DDX1: variants seen among roughly 807,000 people sequenced by gnomAD.
DDX1 encodes the protein ATP-dependent RNA helicase DDX1.
Under a neutral mutation model 108.7 loss-of-function variants are expected in DDX1, and 28 were observed. That is an observed-to-expected ratio of 0.26 (90% CI 0.19 to 0.35). The LOEUF (loss-of-function observed/expected upper bound fraction) is 0.35, where lower values mean the gene tolerates loss of function less well. Among genes scored for constraint, DDX1 ranks in the 10% least tolerant of loss-of-function variants. DDX1 has a pLI of 1.00. For synonymous variants in DDX1, 295 were observed against 288.9 expected (o/e 1.02, Z -0.21); for missense variants, 710 against 884.5 (o/e 0.80, Z 2.50).
At position 15,620,249 on chromosome 2, in the gene DDX1, G is replaced by A. The variant is rs745722250; in HGVS notation, c.1248G>A (p.Lys416=). The A allele has an allele frequency of 6.2e-7, 1 of 1,614,004 alleles. No individual in the cohort carries two copies. Among genetic ancestry groups the A allele is most frequent in the South Asian group, 1.1e-5 (1 of 91,046 alleles). ...CSATLHSFDV[K]KLSEKIMHFP... ...CCACTTTGCATTCTTTCGATGTAAAGAAACTGTCCGAGAAGATAATGCATT... is the reference window on the plus strand; with the variant it reads ...CCACTTTGCATTCTTTCGATGTAAAAAAACTGTCCGAGAAGATAATGCATT... Residue 416 remains lysine (K), a synonymous_variant, in exon 17 of 26, where the codon AAG becomes AAA. Coordinates refer to ENST00000233084, the MANE Select transcript of DDX1 (RefSeq NM_004939.3).
intron 23 of DDX1, 101 bp from the exon 24 acceptor site, chr2:15,629,501 G>GAATA: frequency 1.3e-6 from 1 of 754,770 alleles, no homozygotes; most frequent in Admixed American, 3.4e-5. Context: ...TATTTTTCTA[G>GAATA]TGCCTTGAGG....
At chr2:15,592,271 C>T (rs1000366527) in intron 1 of DDX1, among the ~76,000 whole-genome samples, 2 of 152,220 alleles carry the variant, frequency 1.3e-5, no homozygotes, top group African/African-American at 4.8e-5. Flanking sequence ...GGCTCCCAGA[C>T]GCCTGGGCCT....
At chr2:15,620,474 G>A in intron 17 of DDX1, 78 bp downstream of exon 17, 1 of 1,072,030 alleles carries the variant, frequency 9.3e-7, no homozygotes, top group Non-Finnish European at 1.3e-6. Flanking sequence ...TCTTAGTGAT[G>A]CTTAAGGCAA....
chr2:15,603,179 T>A lies in DDX1; in HGVS notation c.392-13T>A, dbSNP rs1665613557. On this transcript the variant is annotated splice_polypyrimidine_tract_variant and intron_variant, in intron 7 of 25. Transcript: ENST00000233084. ...GTGATTTATATAAATCTCAATGTAT[T>A]TTACCCTTGTAGGGAAACACTACTA... is the stretch of plus-strand genomic sequence containing the variant. 1 of 1,571,540 alleles carries A rather than the reference T, an allele frequency of 6.4e-7. No homozygotes were observed. Among genetic ancestry groups the A allele is most frequent in the Admixed American group, 1.8e-5 (1 of 56,282 alleles).
At position 15,603,805 on chromosome 2, in the gene DDX1, T is replaced by G; in HGVS notation, c.476-9T>G. The G allele has an allele frequency of 6.3e-7, 1 of 1,575,056 alleles. No individual in the cohort carries two copies. The highest frequency in any genetic ancestry group is 8.6e-7 in the Non-Finnish European group (1 of 1,157,652). On this transcript the variant is annotated splice_polypyrimidine_tract_variant and intron_variant, in intron 8 of 25. Coordinates refer to ENST00000233084, the MANE Select transcript of DDX1 (RefSeq NM_004939.3). ...CTTACCAGAAAAGTAAAATATTTTT[T>G]AAATCTAGGTACTGACAAGTTTGGA...
rs990963610 is a variant in DDX1, at chr2:15,599,600, A to T, written c.260-69A>T. 3.2e-6 allele frequency: 4 copies of T among 1,249,112 alleles called. No individual in the cohort carries two copies. In the African/African-American group the frequency reaches 6.1e-5, roughly 19 times the overall value. The allele number at this position is 1,249,112 out of a possible 1,614,324, so 77.4% of individuals were successfully genotyped here. A position where few individuals can be genotyped will look rare whatever the true frequency, so the allele number is the denominator to read the frequency against. Reference sequence around the variant, plus strand: ...AGTGCTGAGATTACAGTCGTGAGTCACCGCACCCGGCCAAGCATTTTAAAT... The same window carrying T: ...AGTGCTGAGATTACAGTCGTGAGTCTCCGCACCCGGCCAAGCATTTTAAAT... On this transcript the variant is annotated intron_variant, in intron 5 of 25. Transcript: ENST00000233084.
chr2:15,627,839 G>A (rs530090514), intron 20 of DDX1, among the ~76,000 whole-genome samples: 130 of 152,234 alleles, frequency 8.5e-4, no homozygotes, highest in African/African-American at 2.6e-3. Context: ...GCATGGCCTC[G>A]TTTGAATGTG....
intron 14 of DDX1, among the ~76,000 whole-genome samples, chr2:15,614,384 G>A (rs1665858466): frequency 6.6e-6 from 1 of 152,146 alleles, no homozygotes; most frequent in South Asian, 2.1e-4. Flanking sequence ...TTAAGAGCAA[G>A]GAATCATATT....
intron 14 of DDX1, among the ~76,000 whole-genome samples, chr2:15,614,202 A>G (rs1015803023): frequency 7.2e-5 from 11 of 152,246 alleles, no homozygotes; most frequent in Non-Finnish European, 1.5e-4. Flanking sequence ...GAAATAACTT[A>G]CAGCTTATAA....
intron 1 of DDX1, among the ~76,000 whole-genome samples, chr2:15,594,141 T>A (rs745309730): frequency 6.6e-6 from 1 of 152,000 alleles, no homozygotes; most frequent in Non-Finnish European, 1.5e-5. Flanking sequence ...AAAATGATGA[T>A]CCTTCTCATC....
At chr2:15,595,011 G>GCC in intron 1 of DDX1, 134 bp from the exon 2 acceptor site, 1 of 629,228 alleles carries the variant, frequency 1.6e-6, no homozygotes, top group South Asian at 2.6e-5. Context: ...TTTCAACAGT[G>GCC]CCACGCTCAG....
At position 15,613,287 on chromosome 2, in the gene DDX1, AAGTT is replaced by A; in HGVS notation, c.1017+4_1017+7del. On this transcript the variant is annotated splice_donor_5th_base_variant and intron_variant, in intron 14 of 25. Coordinates refer to ENST00000233084, the MANE Select transcript of DDX1 (RefSeq NM_004939.3). Reference sequence around the variant, plus strand: ...AGCTCTCTGTTTTGGAAAATGGAGTAAGTTGTAGTTTTAATTTTTAAAACATAAT... The same window carrying A: ...AGCTCTCTGTTTTGGAAAATGGAGTAGTAGTTTTAATTTTTAAAACATAAT... 6.3e-7 allele frequency: 1 copy of A among 1,598,260 alleles called. No homozygotes were observed. The highest frequency in any genetic ancestry group is 1.1e-5 in the South Asian group (1 of 88,132).
At chr2:15,616,539 T>C (rs1454182286) in intron 14 of DDX1, among the ~76,000 whole-genome samples, 1 of 152,250 alleles carries the variant, frequency 6.6e-6, no homozygotes, top group African/African-American at 2.4e-5. Context: ...CTCTTCTATG[T>C]ATGTTTGAAA....
At chr2:15,615,267 T>C (rs996246309) in intron 14 of DDX1, among the ~76,000 whole-genome samples, 1 of 152,160 alleles carries the variant, frequency 6.6e-6, no homozygotes, top group Non-Finnish European at 1.5e-5. Context: ...GTCATATAAA[T>C]AAAGATGTCT....
chr2:15,622,269 C>T (rs1442554482), intron 18 of DDX1, among the ~76,000 whole-genome samples: 2 of 152,160 alleles, frequency 1.3e-5, no homozygotes, highest in African/African-American at 4.8e-5. Context: ...TGTCCATCTC[C>T]AGAACTTTTT....
chr2:15,611,265 A>G (rs1421846881), intron 13 of DDX1, among the ~76,000 whole-genome samples: 53 of 151,714 alleles, frequency 3.5e-4, no homozygotes, highest in Non-Finnish European at 1.6e-4. Flanking sequence ...ACAAAATGAA[A>G]AGTCTCCCAT....
intron 14 of DDX1, 39 bp from the exon 15 acceptor site, chr2:15,617,205 C>T: frequency 9.3e-7 from 1 of 1,076,532 alleles, no homozygotes; most frequent in Non-Finnish European, 1.4e-6. Flanking sequence ...TATACTGTTT[C>T]TTTAGTTTTC....
At position 15,612,119 on chromosome 2, in the gene DDX1, C is replaced by T. The variant is rs1183055563; in HGVS notation, c.957-1105C>T. Among the ~76,000 whole-genome samples, 5 of 139,208 alleles carry T rather than the reference C, an allele frequency of 3.6e-5. No homozygotes were observed. The South Asian group carries it at 7.3e-4, about 20-fold the overall frequency. The allele number at this position is 139,208 out of a possible 152,430, so 91.3% of individuals were successfully genotyped here. A position where few individuals can be genotyped will look rare whatever the true frequency, so the allele number is the denominator to read the frequency against. Reference sequence around the variant, plus strand: ...CCCCCCACCTCCCTCCCGGACGGGGCGGCTGGCCGGGCGGGGGGCTGACCC... The same window carrying T: ...CCCCCCACCTCCCTCCCGGACGGGGTGGCTGGCCGGGCGGGGGGCTGACCC... On this transcript the variant is annotated intron_variant, in intron 13 of 25. Transcript: ENST00000233084.
chr2:15,613,084 A>G lies in DDX1; in HGVS notation c.957-140A>G. On this transcript the variant is annotated intron_variant, in intron 13 of 25. Coordinates refer to ENST00000233084, the MANE Select transcript of DDX1 (RefSeq NM_004939.3). Reference sequence around the variant, plus strand: ...GTGTAACCTTTGTAACTTCCCCCAGACTTGTTTTATTGTAGGCTTTTTTCC... The same window carrying G: ...GTGTAACCTTTGTAACTTCCCCCAGGCTTGTTTTATTGTAGGCTTTTTTCC... 6.7e-6 allele frequency: 4 copies of G among 598,002 alleles called. No homozygotes were observed. In the South Asian group the frequency reaches 9.8e-5, roughly 15 times the overall value. 37.0% of individuals were successfully genotyped at this position (598,002 alleles called of 1,614,324 possible).
Sources: allele counts gnomAD v4.1 joint callset (sites outside exome capture counted in the v4.1 genomes callset), GRCh38; gene constraint gnomAD v4.1.1; transcripts MANE v1.5; gene names NCBI Gene and HGNC (gene_info 2026-07-23, HGNC 2026-07-21).